The following SMOC2 variants were observed in gnomAD, a reference collection of about 807,000 sequenced individuals.
SMOC2 encodes SPARC-related modular calcium-binding protein 2.
Under a neutral mutation model 61.4 loss-of-function variants are expected in SMOC2, and 39 were observed. The observed-to-expected ratio is 0.64, with a 90% CI of 0.49 to 0.83. SMOC2 has a LOEUF of 0.83. SMOC2 is among the 40% of genes least tolerant of loss of function. The pLI is 0.00. For missense variants in SMOC2, 556 were observed against 592.9 expected (o/e 0.94, Z 0.65); for synonymous variants, 247 against 239.9 (o/e 1.03, Z -0.27).
At chr6:168,476,123 T>G (rs1379210184) in intron 1 of SMOC2, among the ~76,000 whole-genome samples, 1 of 152,140 alleles carries the variant, frequency 6.6e-6, no homozygotes, top group African/African-American at 2.4e-5. Context: ...CAAACTCTAT[T>G]TTTATTTTAA....
chr6:168,502,160 T>C (rs1782745972), intron 1 of SMOC2, among the ~76,000 whole-genome samples: 2 of 152,248 alleles, frequency 1.3e-5, no homozygotes, highest in Non-Finnish European at 2.9e-5. Context: ...TTCATTTAAA[T>C]GGTAGATAAG....
intron 1 of SMOC2, among the ~76,000 whole-genome samples, chr6:168,499,730 G>A (rs1782679914): frequency 6.6e-6 from 1 of 152,192 alleles, no homozygotes; most frequent in Admixed American, 6.5e-5. Flanking sequence ...ATTTTCCACT[G>A]GGAGCCCGTG....
At chr6:168,564,793 G>A (rs1289070486) in intron 7 of SMOC2, among the ~76,000 whole-genome samples, 4 of 152,212 alleles carry the variant, frequency 2.6e-5, no homozygotes, top group Admixed American at 2.6e-4. Context: ...CACCCAGGGT[G>A]ACACAGGGCT....
At chr6:168,656,444 G>C (rs1286717236) in intron 11 of SMOC2, among the ~76,000 whole-genome samples, 1 of 138,804 alleles carries the variant, frequency 7.2e-6, no homozygotes, top group South Asian at 2.5e-4. Flanking sequence ...GGAGGCAGAA[G>C]TTGCAGTGAG....
At chr6:168,488,552 C>G (rs960067830) in intron 1 of SMOC2, among the ~76,000 whole-genome samples, 12 of 152,212 alleles carry the variant, frequency 7.9e-5, no homozygotes, top group Non-Finnish European at 1.8e-4. Context: ...TGCTGAAAGC[C>G]AGGGCACTGT....
intron 9 of SMOC2, among the ~76,000 whole-genome samples, chr6:168,644,536 G>C (rs1786974526): frequency 6.6e-6 from 1 of 152,010 alleles, no homozygotes; most frequent in South Asian, 2.1e-4. Flanking sequence ...AGTCACCAGT[G>C]ATGTTCAGGG....
chr6:168,444,234 C>G (rs1187205819), intron 1 of SMOC2, among the ~76,000 whole-genome samples: 1 of 152,110 alleles, frequency 6.6e-6, no homozygotes, highest in Non-Finnish European at 1.5e-5. Flanking sequence ...CTCTCTGCCT[C>G]CTTCTACTCC....
intron 1 of SMOC2, among the ~76,000 whole-genome samples, chr6:168,496,483 G>T (rs773916454): frequency 3.9e-5 from 6 of 152,246 alleles, no homozygotes; most frequent in Non-Finnish European, 7.3e-5. Context: ...CTAATGGTTT[G>T]TGTGTTGGAC....
At chr6:168,587,963 TCTGGAGG>T (rs1334480616) in intron 7 of SMOC2, among the ~76,000 whole-genome samples, 1 of 150,636 alleles carries the variant, frequency 6.6e-6, no homozygotes, top group African/African-American at 2.4e-5. Context: ...TTCTCATAGC[TCTGGAGG>T]CTGGAAGTCC....
intron 2 of SMOC2, among the ~76,000 whole-genome samples, chr6:168,521,641 C>T (rs1243438074): frequency 6.6e-6 from 1 of 152,190 alleles, no homozygotes; most frequent in Non-Finnish European, 1.5e-5. Flanking sequence ...GTAATCCCAG[C>T]ATTCTGGGAG....
At chr6:168,556,138 G>A (rs183749427) in intron 7 of SMOC2, among the ~76,000 whole-genome samples, 1 of 152,288 alleles carries the variant, frequency 6.6e-6, no homozygotes, top group Admixed American at 6.5e-5. Context: ...GGAAGCTGAA[G>A]TGTTCCCGGG....
At chr6:168,597,022 A>T (rs921116096) in intron 7 of SMOC2, among the ~76,000 whole-genome samples, 1 of 152,238 alleles carries the variant, frequency 6.6e-6, no homozygotes, top group Non-Finnish European at 1.5e-5. Flanking sequence ...TGATAAGAGC[A>T]TTGTCATCGT....
At chr6:168,617,798 C>T (rs1279258757) in intron 9 of SMOC2, among the ~76,000 whole-genome samples, 3 of 152,244 alleles carry the variant, frequency 2.0e-5, no homozygotes, top group South Asian at 2.1e-4. Flanking sequence ...TGGGGCCCCT[C>T]CTGGCCTTAC....
At chr6:168,630,373 C>A (rs548317873) in intron 9 of SMOC2, among the ~76,000 whole-genome samples, 104 of 152,342 alleles carry the variant, frequency 6.8e-4, no homozygotes, top group African/African-American at 2.4e-3. Context: ...TTCCTGCAAT[C>A]TCTAAACATA....
intron 2 of SMOC2, among the ~76,000 whole-genome samples, chr6:168,511,139 G>A (rs1782997459): frequency 6.6e-6 from 1 of 152,194 alleles, no homozygotes; most frequent in African/African-American, 2.4e-5. Context: ...AAATGAAGAT[G>A]TATATATCAT....
chr6:168,529,447 TG>T (rs1193592480), intron 4 of SMOC2, among the ~76,000 whole-genome samples: 3 of 152,334 alleles, frequency 2.0e-5, no homozygotes, highest in Admixed American at 1.3e-4. Flanking sequence ...GCTGCACCCT[TG>T]GTGTTGGCAG....
chr6:168,667,179 C>A lies in SMOC2; in HGVS notation c.*741C>A, dbSNP rs200426892. 2.0e-5 allele frequency: 3 copies of A among 152,262 alleles called. No homozygotes were observed. The East Asian group carries it at 5.8e-4, about 29-fold the overall frequency. The allele number at this position is 152,262 out of a possible 1,614,324, so 9.4% of individuals were successfully genotyped here. A position where few individuals can be genotyped will look rare whatever the true frequency, so the allele number is the denominator to read the frequency against. ...GGAGGCTGCCTAGGAGGCAGTAAAT[C>A]CAGTCACAGTGCCTGGGAGGGGCCC... is the stretch of plus-strand genomic sequence containing the variant. On this transcript the variant is annotated 3_prime_UTR_variant, in exon 13 of 13. Coordinates refer to ENST00000356284, the MANE Select transcript of SMOC2 (RefSeq NM_001166412.2).
chr6:168,598,217 T>G (rs145059990), intron 7 of SMOC2, among the ~76,000 whole-genome samples: 59 of 152,332 alleles, frequency 3.9e-4, no homozygotes, highest in African/African-American at 1.3e-3. Context: ...TCTGCTTAGA[T>G]TTCACCTAAG....
At chr6:168,451,642 G>A (rs949603755) in intron 1 of SMOC2, among the ~76,000 whole-genome samples, 3 of 144,212 alleles carry the variant, frequency 2.1e-5, no homozygotes, top group Non-Finnish European at 4.6e-5. Flanking sequence ...TCCCTCTCTG[G>A]GTGTATATTT....
Sources: gnomAD v4.1 joint callset for allele counts (sites outside exome capture counted in the v4.1 genomes callset) on GRCh38, gnomAD v4.1.1 for gene constraint, MANE v1.5 for transcripts, NCBI Gene and HGNC (gene_info 2026-07-23, HGNC 2026-07-21) for gene names.